The following PDE8B variants were observed in gnomAD, a reference collection of about 807,000 sequenced individuals.
PDE8B encodes the protein high affinity cAMP-specific and IBMX-insensitive 3',5'-cyclic phosphodiesterase 8B.
PDE8B carries 26 observed loss-of-function variants against 101.3 expected under a neutral mutation model. That is an observed-to-expected ratio of 0.26 (90% CI 0.19 to 0.36). The LOEUF (loss-of-function observed/expected upper bound fraction) is 0.36. Among genes scored for constraint, PDE8B ranks in the 10% least tolerant of loss-of-function variants. PDE8B has a pLI of 1.00. For missense variants in PDE8B, 810 were observed against 1,163.1 expected, an observed-to-expected ratio of 0.70 and a Z score of 4.42; for synonymous variants, 424 against 429.3, an observed-to-expected ratio of 0.99 and a Z score of 0.15.
Position 77,384,184 on chromosome 5 carries a change from T to C in PDE8B, c.1168-16064T>C, listed in dbSNP as rs745602196. ...TTGAGCAGTGGTTTGTAGCTCTCCT[T>C]GAAAAGGTCCTTCACATCCCTTGTA... On this transcript the variant is annotated intron_variant, in intron 10 of 21. Transcript: ENST00000264917. 2.0e-5 allele frequency among the ~76,000 whole-genome samples: 3 copies of C among 152,194 alleles called. 1 individual carries two copies. Among genetic ancestry groups the C allele is most frequent in the Non-Finnish European group, 2.9e-5 (2 of 68,044 alleles).
chr5:77,420,717 C>A (rs962193355), intron 19 of PDE8B, among the ~76,000 whole-genome samples: 1 of 152,108 alleles, frequency 6.6e-6, no homozygotes. Context: ...CCCTCTCCTT[C>A]CACAGAAGAC....
At chr5:77,160,754 G>A in the PDE8B span, among the ~76,000 whole-genome samples, 81 of 152,150 alleles carry the variant, frequency 5.3e-4, no homozygotes, top group Non-Finnish European at 8.8e-4. Context: ...AGGCTCAAGT[G>A]ATCCTCCCAC....
At chr5:77,141,107 T>C in the PDE8B span, 1 of 152,342 alleles carries the variant, frequency 6.6e-6, no homozygotes, top group South Asian at 2.1e-4. Flanking sequence ...GAATTTTACC[T>C]TTCAATATTC....
the PDE8B span, among the ~76,000 whole-genome samples, chr5:77,099,830 G>T: frequency 6.6e-6 from 1 of 152,204 alleles, no homozygotes; most frequent in South Asian, 2.1e-4. Flanking sequence ...GGCTGGTCTT[G>T]AACTCCTGAC....
At chr5:77,331,643 C>T (rs73767372) in intron 5 of PDE8B, among the ~76,000 whole-genome samples, 184 bp downstream of exon 5, 20,635 of 152,122 alleles carry the variant, frequency 0.14, 1,521 homozygotes, top group East Asian at 0.3. Context: ...GAGCTCTTTG[C>T]GTTTTTGCTC....
chr5:77,273,780 A>G (rs1763268502), intron 1 of PDE8B, among the ~76,000 whole-genome samples: 1 of 151,914 alleles, frequency 6.6e-6, no homozygotes, highest in Non-Finnish European at 1.5e-5. Flanking sequence ...GAAAAGAGAG[A>G]ACTTCCAGGT....
At chr5:77,384,902 G>A (rs557714106) in intron 10 of PDE8B, among the ~76,000 whole-genome samples, 4 of 152,222 alleles carry the variant, frequency 2.6e-5, no homozygotes, top group South Asian at 2.1e-4. Flanking sequence ...TTTTCGCATC[G>A]CTGTTCATCA....
chr5:77,145,439 G>A, the PDE8B span: 1 of 152,170 alleles, frequency 6.6e-6, no homozygotes, highest in Non-Finnish European at 1.5e-5. Context: ...GATAAGTCCT[G>A]GCCTAGAGAA....
the PDE8B span, among the ~76,000 whole-genome samples, chr5:77,103,714 G>A: frequency 1.3e-5 from 2 of 150,352 alleles, no homozygotes; most frequent in African/African-American, 5.0e-5. Flanking sequence ...GAGCAACCAG[G>A]ATCAAAGGTC....
chr5:77,225,434 T>C lies in PDE8B; in HGVS notation c.339+14170T>C, dbSNP rs527297266. On this transcript the variant is annotated intron_variant, in intron 1 of 21. Coordinates refer to ENST00000264917, the MANE Select transcript of PDE8B (RefSeq NM_003719.5). ...GTAGCCACGTTGGCTCCTGTGTCCT[T>C]TTCATAGTCTGCTAGTAATGTTTGA... Among the ~76,000 whole-genome samples, 3 of 152,326 alleles carry C rather than the reference T, an allele frequency of 2.0e-5. No homozygotes were observed. In the East Asian group the frequency reaches 5.8e-4, roughly 29 times the overall value.
intron 1 of PDE8B, among the ~76,000 whole-genome samples, chr5:77,260,157 C>CAAAAAAA (rs66923234): frequency 3.3e-4 from 33 of 100,812 alleles, no homozygotes; most frequent in Non-Finnish European, 3.9e-4. Flanking sequence ...AACTCCATCA[C>CAAAAAAA]AAAAAAAAAA....
intron 10 of PDE8B, among the ~76,000 whole-genome samples, chr5:77,359,482 C>T (rs1782717221): frequency 6.6e-6 from 1 of 152,182 alleles, no homozygotes; most frequent in African/African-American, 2.4e-5. Flanking sequence ...GGTGTCTGCC[C>T]TGCACGGATG....
the PDE8B span, among the ~76,000 whole-genome samples, chr5:77,179,313 G>A: frequency 6.6e-6 from 1 of 152,078 alleles, no homozygotes; most frequent in South Asian, 2.1e-4. Context: ...AGCCTTTCTG[G>A]ATGAGAAAGT....
intron 1 of PDE8B, among the ~76,000 whole-genome samples, chr5:77,237,359 A>G (rs974847543): frequency 2.0e-5 from 3 of 151,964 alleles, no homozygotes; most frequent in African/African-American, 7.2e-5. Context: ...ATTTTTTAGT[A>G]TTCAATTTTA....
At chr5:77,353,050 C>CT (rs1781454210) in intron 9 of PDE8B, among the ~76,000 whole-genome samples, 2 of 152,158 alleles carry the variant, frequency 1.3e-5, no homozygotes, top group Admixed American at 1.3e-4. Context: ...GCATTTTATC[C>CT]TATCAACTGA....
At chr5:77,092,195 C>CT in the PDE8B span, among the ~76,000 whole-genome samples, 2 of 152,002 alleles carry the variant, frequency 1.3e-5, no homozygotes, top group Non-Finnish European at 2.9e-5. Flanking sequence ...AGGAGCTTAG[C>CT]TTTTTTGTGA....
chr5:77,406,600 G>A (rs934327760), intron 12 of PDE8B, among the ~76,000 whole-genome samples: 9 of 152,182 alleles, frequency 5.9e-5, no homozygotes, highest in African/African-American at 1.4e-4. Flanking sequence ...AGCAGCGGGG[G>A]GACCCCAGAG....
At chr5:77,110,105 GTTTTGT>G in the PDE8B span, among the ~76,000 whole-genome samples, 1 of 151,390 alleles carries the variant, frequency 6.6e-6, no homozygotes, top group Non-Finnish European at 1.5e-5. Context: ...GCCCCAGTAA[GTTTTGT>G]TTTTGTTTTT....
At position 77,210,838 on chromosome 5, in the gene PDE8B, G is replaced by C. The variant is rs1748111994; in HGVS notation, c.-88G>C. 9.8e-7 allele frequency: 1 copy of C among 1,018,250 alleles called. No individual in the cohort carries two copies. Among genetic ancestry groups the C allele is most frequent in the Non-Finnish European group, 1.2e-6 (1 of 852,700 alleles). The allele number at this position is 1,018,250 out of a possible 1,614,324, so 63.1% of individuals were successfully genotyped here. On this transcript the variant is annotated 5_prime_UTR_variant, in exon 1 of 22. Coordinates refer to ENST00000264917, the MANE Select transcript of PDE8B (RefSeq NM_003719.5). This position sits in a 1 kb window ranked among gnomAD's most constrained non-coding sequence, Gnocchi z 4.9. Reference sequence around the variant, plus strand: ...GGCGCGCAGTCCGGGCGCCGCCGCGGCCGCCCCCTCACTGCAGGTGGCAGC... The same window carrying C: ...GGCGCGCAGTCCGGGCGCCGCCGCGCCCGCCCCCTCACTGCAGGTGGCAGC...
Sources: gnomAD v4.1 joint callset for allele counts (sites outside exome capture counted in the v4.1 genomes callset) on GRCh38, gnomAD v4.1.1 for gene constraint, Gnocchi (gnomAD v3.1) non-coding constraint, MANE v1.5 for transcripts, NCBI Gene and HGNC (gene_info 2026-07-23, HGNC 2026-07-21) for gene names.